Variants in GRIN2A observed in about 807,000 individuals in gnomAD.
GRIN2A encodes the protein glutamate ionotropic receptor NMDA type subunit 2A, also known as glutamate receptor ionotropic, NMDA 2A.
Under a neutral mutation model 113.4 loss-of-function variants are expected in GRIN2A, and 22 were observed. The ratio of observed to expected loss-of-function variants is 0.19; its 90% CI spans 0.14 to 0.28. The LOEUF (loss-of-function observed/expected upper bound fraction) is 0.28. Ranked by LOEUF, GRIN2A falls within the 10% of genes least tolerant of loss-of-function variation. The probability of loss-of-function intolerance (pLI) is 1.00; values close to 1 mark genes in which losing one functional copy is unlikely to be tolerated. For missense variants in GRIN2A, 1,502 were observed against 1,887.0 expected (o/e 0.80, Z 3.78); for synonymous variants, 827 against 738.4 (o/e 1.12, Z -1.94).
intron 4 of GRIN2A, among the ~76,000 whole-genome samples, chr16:9,861,188 C>T (rs965530830): frequency 1.3e-5 from 2 of 152,076 alleles, no homozygotes; most frequent in African/African-American, 4.8e-5. Flanking sequence ...AGCTTGCAAA[C>T]CTTCGGAGTA....
chr16:10,059,290 A>T (rs983795509), intron 2 of GRIN2A, among the ~76,000 whole-genome samples: 3 of 151,370 alleles, frequency 2.0e-5, no homozygotes, highest in Non-Finnish European at 2.9e-5. Flanking sequence ...ATTGTTTTAA[A>T]AGATTTCTTT....
At chr16:10,122,729 C>T (rs1278099889) in intron 2 of GRIN2A, among the ~76,000 whole-genome samples, 2 of 152,034 alleles carry the variant, frequency 1.3e-5, no homozygotes, top group African/African-American at 4.8e-5. Flanking sequence ...CTTCTTGGGC[C>T]CCCTGCTGGA....
chr16:9,844,188 C>A (rs375344032), intron 5 of GRIN2A, among the ~76,000 whole-genome samples: 65 of 152,234 alleles, frequency 4.3e-4, no homozygotes, highest in Middle Eastern at 3.4e-3. Context: ...CATATAGTGG[C>A]ATTCTTTGGT....
intron 2 of GRIN2A, among the ~76,000 whole-genome samples, chr16:10,145,077 C>A (rs1049482808): frequency 1.3e-5 from 2 of 150,988 alleles, no homozygotes; most frequent in African/African-American, 4.9e-5. Flanking sequence ...TGAAATAAGA[C>A]CATTACAGAG....
intron 2 of GRIN2A, among the ~76,000 whole-genome samples, chr16:10,083,559 C>T (rs1488646808): frequency 6.6e-6 from 1 of 152,220 alleles, no homozygotes; most frequent in South Asian, 2.1e-4. Flanking sequence ...CCCTCTTCCC[C>T]TGCTACTCCT....
intron 2 of GRIN2A, among the ~76,000 whole-genome samples, chr16:10,106,110 A>C (rs2048495542): frequency 6.6e-6 from 1 of 152,110 alleles, no homozygotes; most frequent in Non-Finnish European, 1.5e-5. Flanking sequence ...GAACTGTGAG[A>C]AACTTGGATA....
chr16:9,819,078 A>G (rs188657889), intron 10 of GRIN2A, among the ~76,000 whole-genome samples: 26 of 151,448 alleles, frequency 1.7e-4, no homozygotes, highest in Admixed American at 1.7e-3. Context: ...AAAGATTCAG[A>G]AGAACATATT....
intron 5 of GRIN2A, among the ~76,000 whole-genome samples, chr16:9,846,042 T>C (rs1336158058): frequency 7.2e-5 from 11 of 152,238 alleles, no homozygotes; most frequent in Admixed American, 7.2e-4. Flanking sequence ...ACAATTTTAC[T>C]TATAACAATG....
chr16:10,130,711 CT>C (rs751421477), intron 2 of GRIN2A, among the ~76,000 whole-genome samples: 116 of 152,152 alleles, frequency 7.6e-4, no homozygotes, highest in Non-Finnish European at 1.4e-3. Flanking sequence ...CCAGGGGACT[CT>C]CTCTCTCCTT....
chr16:9,823,952 C>T (rs2042337910), intron 9 of GRIN2A, among the ~76,000 whole-genome samples: 1 of 152,190 alleles, frequency 6.6e-6, no homozygotes, highest in African/African-American at 2.4e-5. Flanking sequence ...AGCAGTCTCT[C>T]CAACTTCCAG....
intron 4 of GRIN2A, among the ~76,000 whole-genome samples, chr16:9,870,340 T>G (rs536530453): frequency 2.8e-4 from 43 of 152,186 alleles, no homozygotes; most frequent in African/African-American, 9.9e-4. Flanking sequence ...TAGTGTTCAC[T>G]TGGCTAAGAA....
chr16:9,809,344 C>T (rs1423532430), intron 10 of GRIN2A, among the ~76,000 whole-genome samples: 1 of 152,060 alleles, frequency 6.6e-6, no homozygotes, highest in Non-Finnish European at 1.5e-5. Context: ...GCAGGAGAAT[C>T]ACTTGAACCT....
Position 9,761,480 on chromosome 16 carries a change from A to C in GRIN2A, c.*1669T>G, listed in dbSNP as rs977268294. 9 of 230,564 alleles carry C rather than the reference A, an allele frequency of 3.9e-5. No homozygotes were observed. The highest frequency in any genetic ancestry group is 1.7e-4 in the Admixed American group (3 of 17,706). The allele number at this position is 230,564 out of a possible 1,614,324, so 14.3% of individuals were successfully genotyped here. ...CAAACACTGATGGCTAGTTATCCCAAATACTTCAAAAATATTCATGTACAT... is the reference window on the plus strand; with the variant it reads ...CAAACACTGATGGCTAGTTATCCCACATACTTCAAAAATATTCATGTACAT... On this transcript the variant is annotated 3_prime_UTR_variant, in exon 13 of 13. Coordinates refer to ENST00000330684, the MANE Select transcript of GRIN2A (RefSeq NM_001134407.3).
At chr16:9,863,249 G>C (rs182685093) in intron 4 of GRIN2A, among the ~76,000 whole-genome samples, 1 of 152,286 alleles carries the variant, frequency 6.6e-6, no homozygotes, top group East Asian at 1.9e-4. Flanking sequence ...TTAATAATTA[G>C]CACCATGCAG....
chr16:9,984,277 T>C (rs553701571), intron 2 of GRIN2A, among the ~76,000 whole-genome samples: 19 of 152,248 alleles, frequency 1.2e-4, no homozygotes, highest in Non-Finnish European at 2.8e-4. Context: ...TATTAATCCC[T>C]TGTCAGTTGA....
intron 2 of GRIN2A, among the ~76,000 whole-genome samples, chr16:10,032,712 G>T (rs2046951859): frequency 6.6e-6 from 1 of 152,140 alleles, no homozygotes; most frequent in Admixed American, 6.5e-5. Flanking sequence ...TTTAATGCCG[G>T]TCTCCACTCT....
At chr16:10,039,159 T>C (rs2047094638) in intron 2 of GRIN2A, among the ~76,000 whole-genome samples, 1 of 152,108 alleles carries the variant, frequency 6.6e-6, no homozygotes, top group Non-Finnish European at 1.5e-5. Flanking sequence ...TGATGTCTGT[T>C]GATCAACTAG....
intron 11 of GRIN2A, among the ~76,000 whole-genome samples, chr16:9,791,481 G>A (rs1373927840): frequency 6.6e-6 from 1 of 152,172 alleles, no homozygotes; most frequent in Non-Finnish European, 1.5e-5. Flanking sequence ...CCAGCCCTAA[G>A]AAGACTGGCT....
At chr16:9,894,889 CCATCAATA>C (rs1480593886) in intron 3 of GRIN2A, among the ~76,000 whole-genome samples, 2 of 152,146 alleles carry the variant, frequency 1.3e-5, no homozygotes, top group African/African-American at 2.4e-5. Flanking sequence ...ATCCATCAAT[CCATCAATA>C]CATTTACCTG....
Sources: allele counts gnomAD v4.1 joint callset (sites outside exome capture counted in the v4.1 genomes callset), GRCh38; gene constraint gnomAD v4.1.1; transcripts MANE v1.5; gene names NCBI Gene and HGNC (gene_info 2026-07-23, HGNC 2026-07-21).